Variants in SVEP1 observed in about 807,000 individuals in gnomAD.
SVEP1 encodes the protein sushi, von Willebrand factor type A, EGF and pentraxin domain containing 1, also known as sushi, von Willebrand factor type A, EGF and pentraxin domain-containing protein 1.
A neutral mutation model predicts 367.3 loss-of-function variants in SVEP1; 164 were observed. The observed-to-expected ratio is 0.45, with a 90% CI of 0.39 to 0.51. The LOEUF is 0.51. Among genes scored for constraint, SVEP1 ranks in the 20% least tolerant of loss-of-function variants. The probability of loss-of-function intolerance (pLI) is 0.00; values close to 1 mark genes in which losing one functional copy is unlikely to be tolerated. For missense variants in SVEP1, 4,117 were observed against 4,425.3 expected (o/e 0.93, Z 1.98); for synonymous variants, 1,666 against 1,611.6 (o/e 1.03, Z -0.81).
intron 43 of SVEP1, 29 bp downstream of exon 43, chr9:110,385,869 C>T (rs756982036): frequency 1.2e-6 from 2 of 1,602,370 alleles, no homozygotes; most frequent in African/African-American, 2.7e-5. Flanking sequence ...GCACTAGCGG[C>T]ATGAACTGGC....
Position 110,408,648 on chromosome 9 carries a change from A to G in SVEP1, c.6952T>C (p.Cys2318Arg), listed in dbSNP as rs1827993885. The G allele has an allele frequency of 6.2e-7, 1 of 1,613,906 alleles. No individual in the cohort carries two copies. The highest frequency in any genetic ancestry group is 8.5e-7 in the Non-Finnish European group (1 of 1,179,910). ...GGCTCTGGGCACTTGGCAGGCATGC[A>G]CTTTGGATTTGACTTCTTATTCCAT... ...GKWNKKSNPK[C>R]MPAKCPEPPL... Residue 2318 changes from cysteine (C) to arginine (R), a missense_variant, in exon 38 of 48, where the codon TGC (cysteine) becomes CGC (arginine). By Grantham distance (180) the Cys-to-Arg change is radical. Coordinates refer to ENST00000374469, the MANE Select transcript of SVEP1 (RefSeq NM_153366.4).
intron 17 of SVEP1, among the ~76,000 whole-genome samples, chr9:110,467,833 G>A (rs1007246251): frequency 4.6e-5 from 7 of 151,872 alleles, no homozygotes; most frequent in Non-Finnish European, 7.4e-5. Flanking sequence ...ACAGGATTTT[G>A]CCATGTTGCC....
At chr9:110,547,705 A>G (rs780904529) in intron 2 of SVEP1, among the ~76,000 whole-genome samples, 1 of 152,188 alleles carries the variant, frequency 6.6e-6, no homozygotes, top group Non-Finnish European at 1.5e-5. Context: ...ACCTATGTCT[A>G]TCGAGAATGG....
chr9:110,411,234 T>C lies in SVEP1; in HGVS notation c.6477A>G (p.Gly2159=), dbSNP rs1828039548. Residue 2159 remains glycine (G), a synonymous_variant, in exon 37 of 48, where the codon GGA becomes GGG. Transcript: ENST00000374469. ...CCATGGCTCCAAAACTGTAGTTTGATCCACTTGCATAGCCATTCATGATGC... is the reference window on the plus strand; with the variant it reads ...CCATGGCTCCAAAACTGTAGTTTGACCCACTTGCATAGCCATTCATGATGC... ...PPSIMNGYAS[G]SNYSFGAMVA... 1 of 1,614,028 alleles carries C rather than the reference T, an allele frequency of 6.2e-7. No homozygotes were observed. The highest frequency in any genetic ancestry group is 8.5e-7 in the Non-Finnish European group (1 of 1,179,892).
At position 110,404,463 on chromosome 9, in the gene SVEP1, C is replaced by T; in HGVS notation, c.9530G>A (p.Ser3177Asn). Residue 3177 changes from serine to asparagine, a missense_variant, in exon 39 of 48, where the codon AGT becomes AAT. By Grantham distance (46) the Ser-to-Asn change is conservative. Coordinates refer to ENST00000374469, the MANE Select transcript of SVEP1 (RefSeq NM_153366.4). ...TTCCGGGAGAGGACATTTTTTAGGACTGCAGGAGATTCTCTCAGGGAACCA... is the reference window on the plus strand; with the variant it reads ...TTCCGGGAGAGGACATTTTTTAGGATTGCAGGAGATTCTCTCAGGGAACCA... The part of the protein sequence containing the change: ...GRWFPERISC[S>N]PKKCPLPENI... 1 of 1,613,994 alleles carries T rather than the reference C, an allele frequency of 6.2e-7. No individual in the cohort carries two copies. The highest frequency in any genetic ancestry group is 1.3e-5 in the African/African-American group (1 of 75,046).
At chr9:110,375,295 T>A in intron 46 of SVEP1, 73 bp downstream of exon 46, 1 of 1,332,898 alleles carries the variant, frequency 7.5e-7, no homozygotes, top group South Asian at 1.3e-5. Flanking sequence ...TGAGTCTAAG[T>A]CACACTCTTC....
rs74600778 is a variant in SVEP1 at position 110,503,290 on chromosome 9, T to C, written c.1304-73A>G. 4.6e-3 allele frequency: 6,492 copies of C among 1,424,458 alleles called. 219 individuals carry two copies. In the African/African-American group the frequency reaches 0.077, roughly 17 times the overall value. The allele number at this position is 1,424,458 out of a possible 1,614,324, so 88.2% of individuals were successfully genotyped here. A position where few individuals can be genotyped will look rare whatever the true frequency, so the allele number is the denominator to read the frequency against. On this transcript the variant is annotated intron_variant, in intron 5 of 47. Coordinates refer to ENST00000374469, the MANE Select transcript of SVEP1 (RefSeq NM_153366.4). ...AAAATAATAATTACAAGTTTAGCAA[T>C]GCCTGCACATTGCAAGCAAGACAAT...
At chr9:110,540,615 A>C (rs1830132642) in intron 3 of SVEP1, among the ~76,000 whole-genome samples, 1 of 152,136 alleles carries the variant, frequency 6.6e-6, no homozygotes, top group Non-Finnish European at 1.5e-5. Flanking sequence ...CCACTAGCTA[A>C]AAGCACATGA....
chr9:110,489,124 A>G lies in SVEP1; in HGVS notation c.1930+526T>C, dbSNP rs189195176. The stretch of plus-strand genomic sequence containing the variant: ...ATCAAAGAGAAGTGGTAATAGTTAA[A>G]GGGTTTGTAGGTTTCAAACAGGGAG... On this transcript the variant is annotated intron_variant, in intron 9 of 47. Coordinates refer to ENST00000374469, the MANE Select transcript of SVEP1 (RefSeq NM_153366.4). 4.1e-4 allele frequency among the ~76,000 whole-genome samples: 63 copies of G among 152,310 alleles called. No individual in the cohort carries two copies. The Middle Eastern group carries it at 0.014, about 33-fold the overall frequency.
chr9:110,541,805 CTATATACATAGATATCTATA>C (rs1830150200), intron 3 of SVEP1, among the ~76,000 whole-genome samples: 1 of 141,510 alleles, frequency 7.1e-6, no homozygotes. Flanking sequence ...CTATATATAT[CTATATACATAGATATCTATA>C]TATATCTATA....
chr9:110,412,724 G>A (rs1370510094), intron 36 of SVEP1, among the ~76,000 whole-genome samples: 1 of 152,054 alleles, frequency 6.6e-6, no homozygotes, highest in Non-Finnish European at 1.5e-5. Context: ...TCAAAAAGTG[G>A]GCAAAGGACA....
chr9:110,377,206 C>G, intron 45 of SVEP1, 65 bp downstream of exon 45: 1 of 1,464,214 alleles, frequency 6.8e-7, no homozygotes, highest in Non-Finnish European at 9.5e-7. Context: ...CCTGGTAACT[C>G]CCCTCAGGTG....
rs201520602 is a variant in SVEP1, at chr9:110,411,307, G to C, written c.6404C>G (p.Ser2135Cys). ...ECMRGGQWNPSPMSIQCIPVR... is the reference protein window; with the variant it reads ...ECMRGGQWNPCPMSIQCIPVR... ...AGGGATGCACTGGATGGACATGGGG[G>C]AAGGGTTCCACTGCCCACCTCTCAT... The change falls in exon 37 of 48, where the codon TCC (serine) becomes TGC (cysteine). Residue 2135 changes from serine to cysteine, a missense_variant. Around this residue, in one of 4 missense-constraint regions of SVEP1, gnomAD observed 1,765 missense variants for 1,781.1 expected, o/e 0.99. Coordinates refer to ENST00000374469, the MANE Select transcript of SVEP1 (RefSeq NM_153366.4). 1.0e-3 allele frequency: 1,642 copies of C among 1,614,038 alleles called. 12 individuals are homozygous for C. In the South Asian group the frequency reaches 0.011, roughly 10 times the overall value.
At chr9:110,391,326 A>G (rs1444793498) in intron 40 of SVEP1, among the ~76,000 whole-genome samples, 1 of 147,064 alleles carries the variant, frequency 6.8e-6, no homozygotes, top group East Asian at 2.0e-4. Flanking sequence ...GCTGGAATGC[A>G]GTGGTGCAAT....
At position 110,388,954 on chromosome 9, in the gene SVEP1, G is replaced by A. The variant is rs192578256; in HGVS notation, c.9886+570C>T. Among the ~76,000 whole-genome samples the A allele has an allele frequency of 7.2e-5, 11 of 152,022 alleles. No individual in the cohort carries two copies. The East Asian group carries it at 2.1e-3, about 29-fold the overall frequency. On this transcript the variant is annotated intron_variant, in intron 41 of 47. Transcript: ENST00000374469. ...ACTGCACTCCACCCTGGGTGACAGAGTGAGACTCTATTTAAAAATAAAAAT... is the reference window on the plus strand; with the variant it reads ...ACTGCACTCCACCCTGGGTGACAGAATGAGACTCTATTTAAAAATAAAAAT...
At chr9:110,557,299 G>A (rs1337701162) in intron 1 of SVEP1, among the ~76,000 whole-genome samples, 2 of 152,030 alleles carry the variant, frequency 1.3e-5, no homozygotes, top group Non-Finnish European at 2.9e-5. Context: ...TTGAATCCCG[G>A]CATTGCATTT....
rs959056119 is a variant in SVEP1 at position 110,407,521 on chromosome 9, C to T, written c.8079G>A (p.Gly2693=). ...YTCNPGYELL[G]NPVLICQEDG... ...CTTCCTGGCAGATCAGCACAGGGTT[C>T]CCCAGAAGTTCATATCCTGGATTAC... is the stretch of plus-strand genomic sequence containing the variant. Residue 2693 remains glycine, a synonymous_variant, in exon 38 of 48, where the codon GGG becomes GGA. Coordinates refer to ENST00000374469, the MANE Select transcript of SVEP1 (RefSeq NM_153366.4). 1 of 1,613,934 alleles carries T rather than the reference C, an allele frequency of 6.2e-7. No homozygotes were observed. Among genetic ancestry groups the T allele is most frequent in the Non-Finnish European group, 8.5e-7 (1 of 1,179,882 alleles).
chr9:110,574,247 T>C (rs1386841408), intron 1 of SVEP1, among the ~76,000 whole-genome samples: 1 of 152,270 alleles, frequency 6.6e-6, no homozygotes, highest in Non-Finnish European at 1.5e-5. Flanking sequence ...AGTGTGCCTA[T>C]GCACCATACA....
chr9:110,504,986 G>C (rs942912376), intron 5 of SVEP1, among the ~76,000 whole-genome samples: 17 of 152,118 alleles, frequency 1.1e-4, no homozygotes, highest in Non-Finnish European at 8.8e-5. Flanking sequence ...CATCTTCTTT[G>C]AATTCACCAT....
Sources: allele counts gnomAD v4.1 joint callset (sites outside exome capture counted in the v4.1 genomes callset), GRCh38; gene constraint gnomAD v4.1.1; regional missense constraint gnomAD v4.1.1; transcripts MANE v1.5; gene names NCBI Gene and HGNC (gene_info 2026-07-23, HGNC 2026-07-21).